Variants in DOT1L observed in about 807,000 individuals in gnomAD.
DOT1L encodes the protein histone-lysine N-methyltransferase, H3 lysine-79 specific.
DOT1L carries 33 observed loss-of-function variants against 153.3 expected under a neutral mutation model. The observed-to-expected ratio is 0.22, with a 90% confidence interval of 0.16 to 0.29. The LOEUF is 0.29. Ranked by LOEUF, DOT1L falls within the 10% of genes least tolerant of loss-of-function variation. The probability of loss-of-function intolerance (pLI) is 1.00; values close to 1 mark genes in which losing one functional copy is unlikely to be tolerated. For missense variants in DOT1L, 1,847 were observed against 2,119.9 expected (o/e 0.87, Z 2.53); for synonymous variants, 1,135 against 965.1 (o/e 1.18, Z -3.26).
At chr19:2,209,372 G>A (rs1179219412) in intron 12 of DOT1L, among the ~76,000 whole-genome samples, 1 of 152,210 alleles carries the variant, frequency 6.6e-6, no homozygotes, top group Non-Finnish European at 1.5e-5. Flanking sequence ...CTTATTTTTG[G>A]GGAGGTGGCT....
intron 2 of DOT1L, among the ~76,000 whole-genome samples, chr19:2,183,202 G>T (rs2022325244): frequency 6.6e-6 from 1 of 152,178 alleles, no homozygotes; most frequent in African/African-American, 2.4e-5. Context: ...TCAGCGTCTG[G>T]CTCTGCTGCT....
In DOT1L at chr19:2,222,814, G is replaced by A; in HGVS notation, c.3390+255G>A. On this transcript the variant is annotated intron_variant, in intron 24 of 27. Coordinates refer to ENST00000398665, the MANE Select transcript of DOT1L (RefSeq NM_032482.3). The surrounding 1 kb of genome is among the most constrained non-coding windows in gnomAD (Gnocchi z 6.5). Reference sequence around the variant, plus strand: ...CAGGAGAATGATGTGAACCCGGGAGGCGGGGCTTGCAGTGAACTGAGATCG... The same window carrying A: ...CAGGAGAATGATGTGAACCCGGGAGACGGGGCTTGCAGTGAACTGAGATCG... The A allele has an allele frequency of 4.1e-6, 2 of 491,174 alleles. No individual in the cohort carries two copies. The highest frequency in any genetic ancestry group is 7.2e-6 in the Non-Finnish European group (2 of 279,390). 30.4% of individuals were successfully genotyped at this position (491,174 alleles called of 1,614,324 possible).
In DOT1L at chr19:2,197,746, A is replaced by C. The variant is rs2023083659; in HGVS notation, c.652-2138A>C. 6.6e-6 allele frequency among the ~76,000 whole-genome samples: 1 copy of C among 152,134 alleles called. No homozygotes were observed. Among genetic ancestry groups the C allele is most frequent in the South Asian group, 2.1e-4 (1 of 4,816 alleles). ...GCGTGGCATTCTTCGTGGCTTTGGC[A>C]ACACGTGTCAGAAAGAACCTGGTGG... is the stretch of plus-strand genomic sequence containing the variant. On this transcript the variant is annotated intron_variant, in intron 7 of 27. Coordinates refer to ENST00000398665, the MANE Select transcript of DOT1L (RefSeq NM_032482.3). The surrounding 1 kb of genome is among the most constrained non-coding windows in gnomAD (Gnocchi z 4.1).
At chr19:2,227,218 A>G (rs765327195) in intron 27 of DOT1L, 91 bp downstream of exon 27, 7 of 1,503,534 alleles carry the variant, frequency 4.7e-6, no homozygotes, top group South Asian at 1.1e-5. Flanking sequence ...CTCTTGCAGC[A>G]GGAGCTGAGC....
At chr19:2,216,138 A>C (rs2023889134) in intron 19 of DOT1L, 143 bp from the exon 20 acceptor site, 1 of 1,253,144 alleles carries the variant, frequency 8.0e-7, no homozygotes, top group Non-Finnish European at 1.1e-6. Flanking sequence ...CCCCGCCTCT[A>C]TGTGGTCGGC....
rs764863340 is a variant in DOT1L at position 2,226,734 on chromosome 19, C to T, written c.4213C>T (p.Leu1405=). 1.4e-5 allele frequency: 22 copies of T among 1,558,982 alleles called. No individual in the cohort carries two copies. The Admixed American group carries it at 3.8e-4, about 27-fold the overall frequency. ...PLCGPTDKTP[L]LSGKAAKARD... ...GTGCGGGCCCACGGACAAGACCCCA[C>T]TGCTGAGCGGCAAGGCCGCCAAGGC... The change falls in exon 27 of 28, where the codon CTG becomes TTG. Residue 1405 remains leucine, a synonymous_variant. Coordinates refer to ENST00000398665, the MANE Select transcript of DOT1L (RefSeq NM_032482.3).
Position 2,227,081 on chromosome 19 carries a change from G to C in DOT1L, c.4560G>C (p.Ser1520=). The part of the protein sequence containing the change: ...VSSAATRLTN[S]HAMGSFSGVA... ...CCGCTGCCACCAGACTGACCAACTC[G>C]CACGCCATGGGCAGCTTTTCCGGGG... Residue 1520 remains serine (S), a synonymous_variant, in exon 27 of 28, where the codon TCG becomes TCC. Transcript: ENST00000398665. 1.3e-6 allele frequency: 2 copies of C among 1,563,874 alleles called. No individual in the cohort carries two copies. Among genetic ancestry groups the C allele is most frequent in the Non-Finnish European group, 1.7e-6 (2 of 1,160,424 alleles).
intron 8 of DOT1L, 51 bp downstream of exon 8, chr19:2,199,990 G>A (rs550352132): frequency 2.2e-5 from 36 of 1,600,674 alleles, no homozygotes; most frequent in Middle Eastern, 3.4e-4. Context: ...GCTCACAGGC[G>A]GGCGGTGGCC....
Position 2,226,998 on chromosome 19 carries a change from G to T in DOT1L, c.4477G>T (p.Val1493Leu), listed in dbSNP as rs1403530073. ...ANLGSVAGSS[V>L]LQSLFSSVPA... ...CCTCGGCTCCGTGGCCGGCTCCTCC[G>T]TGCTGCAGTCGCTGTTCAGCTCTGT... The change falls in exon 27 of 28, where the codon GTG becomes TTG. Residue 1493 changes from valine (V) to leucine (L), a missense_variant. This residue lies in a region of DOT1L where 934 missense variants were observed against 825.3 expected (regional missense o/e 1.13). Coordinates refer to ENST00000398665, the MANE Select transcript of DOT1L (RefSeq NM_032482.3). 3 of 1,592,596 alleles carry T rather than the reference G, an allele frequency of 1.9e-6. No individual in the cohort carries two copies. The highest frequency in any genetic ancestry group is 1.7e-5 in the Admixed American group (1 of 59,576).
chr19:2,171,819 T>TCGTTTG (rs2021642820), intron 1 of DOT1L, among the ~76,000 whole-genome samples: 1 of 152,272 alleles, frequency 6.6e-6, no homozygotes, highest in East Asian at 1.9e-4. Flanking sequence ...TATTTGGGCC[T>TCGTTTG]CGTTTGCGGG....
chr19:2,166,225 T>C (rs2019916238), intron 1 of DOT1L, among the ~76,000 whole-genome samples: 1 of 151,084 alleles, frequency 6.6e-6, no homozygotes, highest in Non-Finnish European at 1.5e-5. Flanking sequence ...GCCTCCCTGG[T>C]AGGTGGGATT....
At position 2,164,099 on chromosome 19, in the gene DOT1L, TCCCG is replaced by T. The variant is rs1016980663; in HGVS notation, c.-78_-75del. ...CTCCCCTCAGCCTCCCGCCCCTCCC[TCCCG>T]CCCGCCCTCCTCCGCCCACCGGCGG... On this transcript the variant is annotated 5_prime_UTR_variant, in exon 1 of 28. Transcript: ENST00000398665. 5.2e-4 allele frequency: 6 copies of T among 11,618 alleles called. No homozygotes were observed. Among genetic ancestry groups the T allele is most frequent in the South Asian group, 4.1e-3 (1 of 244 alleles). The allele number at this position is 11,618 out of a possible 1,614,324, so 0.7% of individuals were successfully genotyped here.
rs1462317569 is a variant in DOT1L at position 2,222,340 on chromosome 19, G to A, written c.3171G>A (p.Lys1057=). The A allele has an allele frequency of 6.2e-7, 1 of 1,612,798 alleles. No homozygotes were observed. The highest frequency in any genetic ancestry group is 1.3e-5 in the African/African-American group (1 of 75,052). ...FTITTGAGSA[K]QSPSSKHSPL... ...TCACCACTGGTGCGGGCAGTGCCAA[G>A]CAGTCGCCCTCCAGCAAGCACAGCC... is the stretch of plus-strand genomic sequence containing the variant. Residue 1057 remains lysine (K), a synonymous_variant, in exon 24 of 28, where the codon AAG becomes AAA. Coordinates refer to ENST00000398665, the MANE Select transcript of DOT1L (RefSeq NM_032482.3). This position sits in a 1 kb window ranked among gnomAD's most constrained non-coding sequence, Gnocchi z 6.5.
Position 2,207,487 on chromosome 19 carries a change from T to TCC in DOT1L, c.857-84_857-83dup. The TCC allele has an allele frequency of 8.8e-7, 1 of 1,134,970 alleles. No homozygotes were observed. Among genetic ancestry groups the TCC allele is most frequent in the Non-Finnish European group, 1.3e-6 (1 of 791,766 alleles). 70.3% of individuals were successfully genotyped at this position (1,134,970 alleles called of 1,614,324 possible). ...GGAAGACGCGCAGCTCAGGCTTCTG[T>TCC]CCCCACGCCTGCCCTGGGGTGGGTG... On this transcript the variant is annotated intron_variant, in intron 10 of 27. Coordinates refer to ENST00000398665, the MANE Select transcript of DOT1L (RefSeq NM_032482.3). The surrounding 1 kb of genome is among the most constrained non-coding windows in gnomAD (Gnocchi z 4.5).
rs535151048 is a variant in DOT1L at position 2,228,835 on chromosome 19, C to T, written c.4607-950C>T. The T allele has an allele frequency of 5.6e-5, 55 of 985,328 alleles. No individual in the cohort carries two copies. The African/African-American group carries it at 8.5e-4, about 15-fold the overall frequency. 61.0% of individuals were successfully genotyped at this position (985,328 alleles called of 1,614,324 possible). ...CAGGCACGGTGCCGGCTGCAGAGGT[C>T]CTGGAGAGCCAGGGTGGCTGGCTGG... On this transcript the variant is annotated intron_variant, in intron 27 of 27. Transcript: ENST00000398665.
intron 1 of DOT1L, among the ~76,000 whole-genome samples, chr19:2,170,836 G>C (rs1402992303): frequency 1.3e-5 from 2 of 152,098 alleles, no homozygotes; most frequent in South Asian, 2.1e-4. Context: ...GGCAAGGCAT[G>C]GGGGAAGGGC....
chr19:2,206,809 T>C lies in DOT1L; in HGVS notation c.856+12T>C. On this transcript the variant is annotated intron_variant, in intron 10 of 27. Coordinates refer to ENST00000398665, the MANE Select transcript of DOT1L (RefSeq NM_032482.3). ...TAGAAACTTGAGTGGTAAGAAACTC[T>C]CATGTTGTTAATGATGAACACGGGT... The C allele has an allele frequency of 1.2e-6, 2 of 1,612,638 alleles. No homozygotes were observed. Among genetic ancestry groups the C allele is most frequent in the African/African-American group, 1.3e-5 (1 of 75,024 alleles).
chr19:2,207,222 A>G lies in DOT1L; in HGVS notation c.857-352A>G, dbSNP rs2071909021. Among the ~76,000 whole-genome samples the G allele has an allele frequency of 6.6e-6, 1 of 152,132 alleles. No homozygotes were observed. Among genetic ancestry groups the G allele is most frequent in the Admixed American group, 6.5e-5 (1 of 15,284 alleles). On this transcript the variant is annotated intron_variant, in intron 10 of 27. Transcript: ENST00000398665. This position sits in a 1 kb window ranked among gnomAD's most constrained non-coding sequence, Gnocchi z 4.5. ...TTGCGGGGCAGCACGGCCTCCTCTG[A>G]GGGGCTTCCCTGAGGAGCGCCCACC...
chr19:2,165,759 A>C (rs570642107), intron 1 of DOT1L, among the ~76,000 whole-genome samples: 1 of 149,230 alleles, frequency 6.7e-6, no homozygotes, highest in South Asian at 2.1e-4. Context: ...GCCCCAGTAC[A>C]TGGCTTCACA....
Sources: gnomAD v4.1 joint callset for allele counts (sites outside exome capture counted in the v4.1 genomes callset) on GRCh38, gnomAD v4.1.1 for gene constraint, gnomAD v4.1.1 regional missense constraint, Gnocchi (gnomAD v3.1) non-coding constraint, MANE v1.5 for transcripts, NCBI Gene and HGNC (gene_info 2026-07-23, HGNC 2026-07-21) for gene names.